DENND1A: variants seen among roughly 807,000 people sequenced by gnomAD.
DENND1A encodes the protein DENN domain-containing protein 1A.
Under a neutral mutation model 113.7 loss-of-function variants are expected in DENND1A, and 51 were observed. That is an observed-to-expected ratio of 0.45 (90% CI 0.36 to 0.57). The LOEUF (loss-of-function observed/expected upper bound fraction) is 0.57, where lower values mean the gene tolerates loss of function less well. Ranked by LOEUF, DENND1A falls within the 20% of genes least tolerant of loss-of-function variation. The pLI is 0.00. For missense variants in DENND1A, 1,258 were observed against 1,395.9 expected, an observed-to-expected ratio of 0.90 and a Z score of 1.57; for synonymous variants, 565 against 570.8, an observed-to-expected ratio of 0.99 and a Z score of 0.14.
chr9:123,859,863 T>C lies in DENND1A; in HGVS notation c.88+19088A>G, dbSNP rs574190644. On this transcript the variant is annotated intron_variant, in intron 2 of 23. Transcript: ENST00000394215. ...AGGAGAGGAGAGGAGTGGACTAAGATGAAGCTGGATAGGGAAAGGATGGAG... is the reference window on the plus strand; with the variant it reads ...AGGAGAGGAGAGGAGTGGACTAAGACGAAGCTGGATAGGGAAAGGATGGAG... 1.4e-4 allele frequency among the ~76,000 whole-genome samples: 22 copies of C among 152,266 alleles called. No homozygotes were observed. The South Asian group carries it at 3.9e-3, about 27-fold the overall frequency.
intron 12 of DENND1A, among the ~76,000 whole-genome samples, chr9:123,558,081 C>T (rs1319511522): frequency 6.6e-6 from 1 of 151,980 alleles, no homozygotes; most frequent in African/African-American, 2.4e-5. Context: ...AAAACAAAAA[C>T]AATTTTTAAT....
chr9:123,632,798 G>A (rs2061535321), intron 9 of DENND1A, among the ~76,000 whole-genome samples: 1 of 151,978 alleles, frequency 6.6e-6, no homozygotes, highest in Admixed American at 6.6e-5. Context: ...CCCCCAAACT[G>A]GCCTGGATTT....
intron 1 of DENND1A, among the ~76,000 whole-genome samples, chr9:123,910,757 T>G (rs1853810777): frequency 1.3e-5 from 2 of 152,156 alleles, no homozygotes; most frequent in Non-Finnish European, 2.9e-5. Flanking sequence ...CTGGACAACA[T>G]GGTGAAACCC....
chr9:123,408,877 G>A (rs2044092032), intron 20 of DENND1A, among the ~76,000 whole-genome samples: 1 of 152,362 alleles, frequency 6.6e-6, no homozygotes, highest in South Asian at 2.1e-4. Flanking sequence ...CAAGGGGAAT[G>A]ATCCTTCCCT....
chr9:123,844,380 AATAG>A (rs1842277108), intron 2 of DENND1A, among the ~76,000 whole-genome samples: 1 of 152,314 alleles, frequency 6.6e-6, no homozygotes, highest in East Asian at 1.9e-4. Context: ...TCTGCAGGAT[AATAG>A]ATCAATATTT....
chr9:123,439,576 G>A (rs1309107377), intron 19 of DENND1A, among the ~76,000 whole-genome samples: 1 of 152,082 alleles, frequency 6.6e-6, no homozygotes, highest in African/African-American at 2.4e-5. Flanking sequence ...CTAATAAATG[G>A]CTACAGAATC....
chr9:123,465,176 G>A (rs867048179), intron 13 of DENND1A, among the ~76,000 whole-genome samples: 1 of 149,880 alleles, frequency 6.7e-6, no homozygotes, highest in Non-Finnish European at 1.5e-5. Flanking sequence ...GCAAGACTAC[G>A]TCTCAAAAAA....
At chr9:123,778,770 G>A (rs1830823925) in intron 3 of DENND1A, among the ~76,000 whole-genome samples, 1 of 152,100 alleles carries the variant, frequency 6.6e-6, no homozygotes, top group Non-Finnish European at 1.5e-5. Flanking sequence ...GATCTAGAGT[G>A]TTAAGGAGCC....
chr9:123,744,947 T>G (rs1288358635), intron 5 of DENND1A, among the ~76,000 whole-genome samples: 1 of 152,058 alleles, frequency 6.6e-6, no homozygotes, highest in Non-Finnish European at 1.5e-5. Flanking sequence ...AGCTAATTTT[T>G]GTATTTTTAG....
intron 13 of DENND1A, among the ~76,000 whole-genome samples, chr9:123,509,419 G>A (rs1330477220): frequency 6.6e-6 from 1 of 152,210 alleles, no homozygotes; most frequent in African/African-American, 2.4e-5. Context: ...TAAAGAGCGA[G>A]GAGAAATACT....
chr9:123,521,116 AAG>A (rs1487585097), intron 13 of DENND1A, among the ~76,000 whole-genome samples: 1 of 152,174 alleles, frequency 6.6e-6, no homozygotes, highest in Non-Finnish European at 1.5e-5. Context: ...ACACATTACC[AAG>A]ACGCGGTTCC....
chr9:123,485,636 GTACACACA>G (rs1318340880), intron 13 of DENND1A: 10 of 94,094 alleles, frequency 1.1e-4, no homozygotes, highest in African/African-American at 2.4e-4. Flanking sequence ...GTGTGTGCGC[GTACACACA>G]CGCGCGCGCG....
chr9:123,833,807 T>C (rs2132829940), intron 2 of DENND1A, among the ~76,000 whole-genome samples: 1 of 152,294 alleles, frequency 6.6e-6, no homozygotes, highest in East Asian at 1.9e-4. Flanking sequence ...ATGACTGTAA[T>C]CCCAGCACTT....
In DENND1A at chr9:123,889,128, T is replaced by C. The variant is rs886399066; in HGVS notation, c.18-10107A>G. 2.0e-5 allele frequency among the ~76,000 whole-genome samples: 3 copies of C among 152,252 alleles called. No individual in the cohort carries two copies. The East Asian group carries it at 5.8e-4, about 29-fold the overall frequency. On this transcript the variant is annotated intron_variant, in intron 1 of 23. Coordinates refer to ENST00000394215, the MANE Select transcript of DENND1A (RefSeq NM_001352964.2). ...TCTGACCTTCCTTTTACCAAGACTTTCTCACAGGAATGACATGTGGTTCTA... is the reference window on the plus strand; with the variant it reads ...TCTGACCTTCCTTTTACCAAGACTTCCTCACAGGAATGACATGTGGTTCTA...
chr9:123,921,452 G>C (rs1389800151), intron 1 of DENND1A, among the ~76,000 whole-genome samples: 1 of 152,220 alleles, frequency 6.6e-6, no homozygotes, highest in East Asian at 1.9e-4. Flanking sequence ...CCAGCGTGGA[G>C]TCAAACAGTA....
chr9:123,622,484 C>T (rs1272872787), intron 10 of DENND1A, among the ~76,000 whole-genome samples: 1 of 151,992 alleles, frequency 6.6e-6, no homozygotes, highest in African/African-American at 2.4e-5. Context: ...TGAATAAATG[C>T]ATAATTAATG....
rs2048209059 is a variant in DENND1A, at chr9:123,457,453, A to G, written c.1099-18T>C. 6.3e-7 allele frequency: 1 copy of G among 1,594,686 alleles called. No individual in the cohort carries two copies. Among genetic ancestry groups the G allele is most frequent in the Admixed American group, 1.7e-5 (1 of 59,996 alleles). ...TCAATAAACTATAGAAAGAAGGAACAAAAGCACAACAGCTCGTACAAAGAA... is the reference window on the plus strand; with the variant it reads ...TCAATAAACTATAGAAAGAAGGAACGAAAGCACAACAGCTCGTACAAAGAA... On this transcript the variant is annotated intron_variant, in intron 14 of 23. Coordinates refer to ENST00000394215, the MANE Select transcript of DENND1A (RefSeq NM_001352964.2).
chr9:123,850,669 G>C (rs1026406165), intron 2 of DENND1A, among the ~76,000 whole-genome samples: 1 of 152,100 alleles, frequency 6.6e-6, no homozygotes, highest in African/African-American at 2.4e-5. Flanking sequence ...GATTACATAA[G>C]CTCGCCATGC....
At chr9:123,529,129 AT>A (rs1003411761) in intron 13 of DENND1A, among the ~76,000 whole-genome samples, 3 of 152,154 alleles carry the variant, frequency 2.0e-5, no homozygotes, top group Non-Finnish European at 4.4e-5. Flanking sequence ...CCAATGCAAT[AT>A]TTTTTTAAAC....
Sources: gnomAD v4.1 joint callset for allele counts (sites outside exome capture counted in the v4.1 genomes callset) on GRCh38, gnomAD v4.1.1 for gene constraint, MANE v1.5 for transcripts, NCBI Gene and HGNC (gene_info 2026-07-23, HGNC 2026-07-21) for gene names.